The following UBE2H variants were observed in gnomAD, a reference collection of about 807,000 sequenced individuals.
The protein encoded by UBE2H is ubiquitin conjugating enzyme E2 H.
In UBE2H, 3 loss-of-function variants were observed where a neutral mutation model predicts 29.0. The ratio of observed to expected loss-of-function variants is 0.10; its 90% CI spans 0.05 to 0.27. UBE2H has a LOEUF of 0.27. UBE2H is among the 10% of genes least tolerant of loss of function. The pLI, the probability that UBE2H is intolerant of heterozygous loss-of-function variation, is 1.00. For synonymous variants in UBE2H, 69 were observed against 82.9 expected, an observed-to-expected ratio of 0.83 and a Z score of 0.91; for missense variants, 68 against 228.2, an observed-to-expected ratio of 0.30 and a Z score of 4.52.
intron 1 of UBE2H, among the ~76,000 whole-genome samples, chr7:129,907,182 A>G (rs1262320911): frequency 6.6e-6 from 1 of 151,912 alleles, no homozygotes; most frequent in East Asian, 1.9e-4. Context: ...TACGTTTCCT[A>G]CCCCATCATA....
intron 1 of UBE2H, among the ~76,000 whole-genome samples, chr7:129,936,454 C>T (rs1388055799): frequency 1.3e-5 from 2 of 151,570 alleles, no homozygotes; most frequent in African/African-American, 2.4e-5. Context: ...ATTAGCCGGG[C>T]GTAGTGGCGG....
chr7:129,952,609 C>T lies in UBE2H; in HGVS notation c.-54G>A. 4 of 1,598,478 alleles carry T rather than the reference C, an allele frequency of 2.5e-6. No individual in the cohort carries two copies. The South Asian group carries it at 3.3e-5, about 13-fold the overall frequency. ...CGGCCCGTCTGTCACGGGCCCGGGG[C>T]CCCGGCTCTGAGGAGCCCGCGGCCG... is the stretch of plus-strand genomic sequence containing the variant. On this transcript the variant is annotated 5_prime_UTR_variant, in exon 1 of 7. Coordinates refer to ENST00000355621, the MANE Select transcript of UBE2H (RefSeq NM_003344.4).
chr7:129,920,370 T>C (rs1807132793), intron 1 of UBE2H, among the ~76,000 whole-genome samples: 1 of 152,130 alleles, frequency 6.6e-6, no homozygotes, highest in African/African-American at 2.4e-5. Context: ...CACTCATAAA[T>C]GTTAATTATG....
At chr7:129,846,383 A>AATAATAATT (rs1554430021) in intron 5 of UBE2H, among the ~76,000 whole-genome samples, 115 of 105,128 alleles carry the variant, frequency 1.1e-3, no homozygotes, top group African/African-American at 3.8e-3. Context: ...TAATAATAAT[A>AATAATAATT]ATAATTGGGC....
chr7:129,876,737 T>C (rs1376516229), intron 3 of UBE2H, among the ~76,000 whole-genome samples: 1 of 152,212 alleles, frequency 6.6e-6, no homozygotes, highest in Non-Finnish European at 1.5e-5. Flanking sequence ...CTCAAAGTGT[T>C]TGAAACAATA....
intron 5 of UBE2H, among the ~76,000 whole-genome samples, chr7:129,851,047 T>C (rs1435710222): frequency 6.6e-6 from 1 of 152,146 alleles, no homozygotes; most frequent in Non-Finnish European, 1.5e-5. Flanking sequence ...ACATAGACTG[T>C]TTTTAAAGCA....
chr7:129,923,497 T>C (rs999871463), intron 1 of UBE2H, among the ~76,000 whole-genome samples: 4 of 152,212 alleles, frequency 2.6e-5, no homozygotes, highest in African/African-American at 4.8e-5. Context: ...AGAAGTTATA[T>C]AGTAATTTAG....
chr7:129,949,362 T>A (rs1489759393), intron 1 of UBE2H, among the ~76,000 whole-genome samples: 1 of 152,192 alleles, frequency 6.6e-6, no homozygotes, highest in Admixed American at 6.5e-5. Flanking sequence ...CTACCTGACT[T>A]TGCAAACAAA....
At chr7:129,858,825 G>A in intron 4 of UBE2H, 77 bp downstream of exon 4, 4 of 1,393,374 alleles carry the variant, frequency 2.9e-6, no homozygotes, top group Non-Finnish European at 4.0e-6. Context: ...AGATAACCGA[G>A]GCTTTTTATA....
intron 1 of UBE2H, among the ~76,000 whole-genome samples, chr7:129,903,613 C>T (rs897657276): frequency 2.0e-5 from 3 of 149,752 alleles, no homozygotes; most frequent in Non-Finnish European, 3.0e-5. Context: ...AATTTTAAAA[C>T]TATGGCTGCA....
intron 1 of UBE2H, among the ~76,000 whole-genome samples, chr7:129,920,848 CAAAAAAA>C (rs11347186): frequency 1.6e-4 from 12 of 73,998 alleles, no homozygotes; most frequent in Admixed American, 3.1e-4. Flanking sequence ...TAGAAAAAGT[CAAAAAAA>C]AAAAAAAAAA....
At chr7:129,849,270 T>C (rs933646846) in intron 5 of UBE2H, among the ~76,000 whole-genome samples, 2 of 152,132 alleles carry the variant, frequency 1.3e-5, no homozygotes, top group African/African-American at 4.8e-5. Flanking sequence ...AGATTAAAAG[T>C]AATATTCTCT....
intron 3 of UBE2H, among the ~76,000 whole-genome samples, chr7:129,873,425 CT>C (rs373132869): frequency 0.14 from 17,071 of 122,980 alleles, 1,071 homozygotes; most frequent in East Asian, 0.3. Flanking sequence ...ACATCAAATT[CT>C]TTTTTTTTTT....
Position 129,914,171 on chromosome 7 carries a change from A to AT in UBE2H, c.54-33201dup, listed in dbSNP as rs537238975. ...TTCCCAACAGCCACCTCAAAAATCAATTTTTTTTTTTTTTGAGACAGAGTC... is the reference window on the plus strand; with the variant it reads ...TTCCCAACAGCCACCTCAAAAATCAATTTTTTTTTTTTTTTGAGACAGAGTC... On this transcript the variant is annotated intron_variant, in intron 1 of 6. Coordinates refer to ENST00000355621, the MANE Select transcript of UBE2H (RefSeq NM_003344.4). Among the ~76,000 whole-genome samples the AT allele has an allele frequency of 8.8e-3, 1,268 of 144,864 alleles. 9 individuals carry two copies. The highest frequency in any genetic ancestry group is 0.016 in the South Asian group (71 of 4,544).
intron 1 of UBE2H, among the ~76,000 whole-genome samples, chr7:129,886,771 A>ATTTGGT (rs1300394608): frequency 2.9e-5 from 3 of 104,852 alleles, no homozygotes; most frequent in African/African-American, 1.1e-4. Context: ...TTTTGGTAAA[A>ATTTGGT]AAAAAAAAAA....
intron 1 of UBE2H, among the ~76,000 whole-genome samples, chr7:129,893,244 T>C (rs530862635): frequency 6.6e-6 from 1 of 152,298 alleles, no homozygotes; most frequent in East Asian, 1.9e-4. Flanking sequence ...AGAGTTTCTA[T>C]GTCACAAGCC....
intron 1 of UBE2H, among the ~76,000 whole-genome samples, chr7:129,924,594 T>C (rs1024094225): frequency 6.6e-6 from 1 of 150,742 alleles, no homozygotes; most frequent in African/African-American, 2.4e-5. Context: ...GGTATACATA[T>C]GGTTGTGAAG....
intron 1 of UBE2H, among the ~76,000 whole-genome samples, chr7:129,936,094 A>G (rs1241224285): frequency 6.6e-6 from 1 of 152,216 alleles, no homozygotes; most frequent in East Asian, 1.9e-4. Context: ...CTATGACTCT[A>G]ATACCTATTA....
chr7:129,856,238 C>CA (rs1200385266), intron 5 of UBE2H, among the ~76,000 whole-genome samples: 2 of 152,216 alleles, frequency 1.3e-5, no homozygotes, highest in Non-Finnish European at 2.9e-5. Flanking sequence ...TTACCTACCT[C>CA]AGACCACTAA....
Sources: gnomAD v4.1 joint callset for allele counts (sites outside exome capture counted in the v4.1 genomes callset) on GRCh38, gnomAD v4.1.1 for gene constraint, MANE v1.5 for transcripts, NCBI Gene and HGNC (gene_info 2026-07-23, HGNC 2026-07-21) for gene names.